Variants in PTGER3 observed in about 807,000 individuals in gnomAD.
PTGER3 encodes the protein prostaglandin E receptor 3.
A neutral mutation model predicts 34.7 loss-of-function variants in PTGER3; 22 were observed. The ratio of observed to expected loss-of-function variants is 0.63; its 90% CI spans 0.45 to 0.91. The LOEUF (loss-of-function observed/expected upper bound fraction) is 0.91. Ranked by LOEUF, PTGER3 falls within the 40% of genes least tolerant of loss-of-function variation. PTGER3 has a pLI of 0.00. For missense variants in PTGER3, 468 were observed against 519.4 expected, an observed-to-expected ratio of 0.90 and a Z score of 0.96; for synonymous variants, 241 against 230.1, an observed-to-expected ratio of 1.05 and a Z score of -0.43.
chr1:71,017,062 G>A (rs990866542), intron 1 of PTGER3, among the ~76,000 whole-genome samples: 2 of 151,878 alleles, frequency 1.3e-5, no homozygotes, highest in Non-Finnish European at 2.9e-5. Flanking sequence ...TCCATTTCTC[G>A]GTCCCTGGAA....
intron 4 of PTGER3, among the ~76,000 whole-genome samples, chr1:70,908,977 A>G (rs1319257204): frequency 6.6e-6 from 1 of 152,208 alleles, no homozygotes; most frequent in Non-Finnish European, 1.5e-5. Flanking sequence ...CAGAGCTAGG[A>G]TTCAAAACCT....
At chr1:70,882,436 G>C (rs948934576) in intron 4 of PTGER3, among the ~76,000 whole-genome samples, 5 of 152,224 alleles carry the variant, frequency 3.3e-5, no homozygotes, top group African/African-American at 1.2e-4. Flanking sequence ...TGCTGGCCAA[G>C]TTCAGGCAGA....
intron 4 of PTGER3, among the ~76,000 whole-genome samples, chr1:70,894,878 G>C (rs72932181): frequency 0.073 from 11,167 of 152,194 alleles, 468 homozygotes; most frequent in Non-Finnish European, 0.1. Context: ...AAGTTGGGGG[G>C]TTAAACCACC....
chr1:70,989,723 T>C (rs935499750), intron 2 of PTGER3, among the ~76,000 whole-genome samples: 1 of 152,130 alleles, frequency 6.6e-6, no homozygotes, highest in Non-Finnish European at 1.5e-5. Flanking sequence ...CTATATGCAG[T>C]AAAATTTCTT....
intron 4 of PTGER3, among the ~76,000 whole-genome samples, chr1:70,864,203 A>G (rs1160785902): frequency 6.6e-6 from 1 of 151,902 alleles, no homozygotes; most frequent in Non-Finnish European, 1.5e-5. Context: ...TTTTTATATT[A>G]GTCAAATTTT....
At chr1:70,866,189 G>T (rs937795680) in intron 4 of PTGER3, among the ~76,000 whole-genome samples, 4 of 152,182 alleles carry the variant, frequency 2.6e-5, no homozygotes, top group Admixed American at 6.5e-5. Context: ...GCCTGTAGAA[G>T]ATGCCTAATA....
intron 2 of PTGER3, among the ~76,000 whole-genome samples, chr1:70,959,898 C>T (rs1189444950): frequency 6.6e-6 from 1 of 151,896 alleles, no homozygotes; most frequent in Non-Finnish European, 1.5e-5. Context: ...ATTCCTGGTA[C>T]CTAATGCGAC....
chr1:71,010,546 A>C (rs1487695644), intron 2 of PTGER3: 2 of 984,596 alleles, frequency 2.0e-6, no homozygotes, highest in South Asian at 9.4e-5. Flanking sequence ...TCTGACTAGA[A>C]CTTAGGGTCA....
chr1:70,958,609 T>A (rs1181045518), intron 2 of PTGER3, among the ~76,000 whole-genome samples: 2 of 152,206 alleles, frequency 1.3e-5, no homozygotes, highest in African/African-American at 4.8e-5. Flanking sequence ...TTGCAAATAT[T>A]TCTCTCATTC....
chr1:70,917,323 A>T (rs1647196826), intron 4 of PTGER3, among the ~76,000 whole-genome samples: 1 of 151,582 alleles, frequency 6.6e-6, no homozygotes, highest in African/African-American at 2.4e-5. Context: ...ATTTCACTTA[A>T]TATAATGTCC....
downstream of PTGER3, among the ~76,000 whole-genome samples, chr1:70,966,981 G>A (rs1002929650): frequency 2.0e-5 from 3 of 151,898 alleles, no homozygotes; most frequent in Admixed American, 1.3e-4. Flanking sequence ...GGATTACTGG[G>A]TCAAATGGTA....
At chr1:70,958,859 T>G (rs1037853018) in intron 2 of PTGER3, among the ~76,000 whole-genome samples, 1 of 152,182 alleles carries the variant, frequency 6.6e-6, no homozygotes, top group African/African-American at 2.4e-5. Context: ...TTGTATACTG[T>G]GAGAGATGGG....
At position 71,022,518 on chromosome 1, in the gene PTGER3, A is replaced by C. The variant is rs140289064; in HGVS notation, c.898-10034T>G. On this transcript the variant is annotated intron_variant, in intron 1 of 3. Transcript: ENST00000306666. ...ATCTGATATGATACATTCTTATTAAACTTTGCAGTATGTCAAAATGACACT... is the reference window on the plus strand; with the variant it reads ...ATCTGATATGATACATTCTTATTAACCTTTGCAGTATGTCAAAATGACACT... 7.7e-4 allele frequency among the ~76,000 whole-genome samples: 117 copies of C among 151,976 alleles called. 1 individual carries two copies. In the East Asian group the frequency reaches 0.021, roughly 27 times the overall value.
chr1:71,007,232 A>G, intron 2 of PTGER3: 2 of 984,606 alleles, frequency 2.0e-6, no homozygotes, highest in Non-Finnish European at 2.4e-6. Flanking sequence ...CACCATGTAA[A>G]TAGTACTTAC....
At chr1:71,031,139 C>T (rs1659375419) in intron 1 of PTGER3, among the ~76,000 whole-genome samples, 1 of 152,016 alleles carries the variant, frequency 6.6e-6, no homozygotes, top group Admixed American at 6.6e-5. Context: ...CTGCACATAA[C>T]AGGCATTCAG....
At chr1:70,966,519 G>T (rs532962553), downstream of PTGER3, among the ~76,000 whole-genome samples, 1 of 151,918 alleles carries the variant, frequency 6.6e-6, no homozygotes. Context: ...TGCACAAAAC[G>T]TGCAGGTTTG....
downstream of PTGER3, among the ~76,000 whole-genome samples, chr1:70,950,317 C>G (rs183701088): frequency 2.6e-3 from 390 of 152,276 alleles, 1 homozygote; most frequent in Admixed American, 6.5e-3. Context: ...AACTCAAAGC[C>G]ATTTATAAAT....
chr1:70,937,363 G>A (rs551484875), intron 4 of PTGER3, among the ~76,000 whole-genome samples: 7 of 152,090 alleles, frequency 4.6e-5, no homozygotes, highest in East Asian at 1.9e-4. Flanking sequence ...TTTATTTGGC[G>A]GGCACTAGGT....
chr1:70,991,154 A>G lies in PTGER3; in HGVS notation c.1078-16766T>C, dbSNP rs145593132. ...ATTAGAACTCCCACTCTCCAATACA[A>G]TCTAGAAAAACAAGACACTCTGCAA... is the stretch of plus-strand genomic sequence containing the variant. On this transcript the variant is annotated intron_variant, in intron 2 of 3. Coordinates refer to ENST00000306666, the MANE Select transcript of PTGER3 (RefSeq NM_198719.2). 1.1e-3 allele frequency among the ~76,000 whole-genome samples: 163 copies of G among 152,182 alleles called. 2 individuals are homozygous for G. Among genetic ancestry groups the G allele is most frequent in the African/African-American group, 3.9e-3 (160 of 41,526 alleles).
Sources: allele counts gnomAD v4.1 joint callset (sites outside exome capture counted in the v4.1 genomes callset), GRCh38; gene constraint gnomAD v4.1.1; transcripts MANE v1.5; gene names NCBI Gene and HGNC (gene_info 2026-07-23, HGNC 2026-07-21).